Variants in ALPK3 observed in about 807,000 individuals in gnomAD.
ALPK3 encodes the protein alpha-protein kinase 3.
In ALPK3, 102 loss-of-function variants were observed where a neutral mutation model predicts 140.0. The observed-to-expected ratio is 0.73, with a 90% CI of 0.62 to 0.86. The LOEUF is 0.86. ALPK3 is among the 40% of genes least tolerant of loss of function. The pLI is 0.00. For missense variants in ALPK3, 2,254 were observed against 2,208.2 expected (o/e 1.02, Z -0.42); for synonymous variants, 938 against 898.5 (o/e 1.04, Z -0.79).
chr15:84,827,667 CTG>C (rs1963504420), intron 3 of ALPK3, 62 bp downstream of exon 3: 1 of 1,594,524 alleles, frequency 6.3e-7, no homozygotes, highest in South Asian at 1.1e-5. Context: ...TCCAAGGAGG[CTG>C]TGAGGACAGG....
rs540543822 is a variant in ALPK3 at position 84,840,877 on chromosome 15, A to G, written c.1598A>G (p.His533Arg). 5.2e-5 allele frequency: 84 copies of G among 1,613,754 alleles called. No homozygotes were observed. Among genetic ancestry groups the G allele is most frequent in the Non-Finnish European group, 6.4e-5 (75 of 1,179,880 alleles). Residue 533 changes from histidine to arginine, a missense_variant, in exon 5 of 14, where the codon CAT becomes CGT. Transcript: ENST00000258888. ...QVPTPPARRR[H>R]GTRDSTLQGQ... ...CCGACGCCCCCTGCCCGGCGGAGAC[A>G]TGGCACCCGGGACAGCACGTTGCAG...
intron 9 of ALPK3, among the ~76,000 whole-genome samples, chr15:84,862,381 T>G (rs558339435): frequency 6.6e-6 from 1 of 152,046 alleles, no homozygotes; most frequent in South Asian, 2.1e-4. Context: ...GACGCATTTG[T>G]GGAAGGCAGG....
At chr15:84,862,101 T>G (rs1344823880) in intron 9 of ALPK3, among the ~76,000 whole-genome samples, 1 of 152,156 alleles carries the variant, frequency 6.6e-6, no homozygotes. Context: ...ATCAACCATT[T>G]CTTTAGAAAG....
In ALPK3 at chr15:84,858,346, G is replaced by C; in HGVS notation, c.3608G>C (p.Gly1203Ala). The C allele has an allele frequency of 6.4e-7, 1 of 1,556,666 alleles. No homozygotes were observed. The highest frequency in any genetic ancestry group is 8.7e-7 in the Non-Finnish European group (1 of 1,150,822). The part of the protein sequence containing the change: ...PRGPRKSLVP[G>A]SPGTPGRERR... ...GGGCCCAGGAAAAGCCTGGTGCCTGGGTCCCCAGGGACTCCAGGGCGGGAG... is the reference window on the plus strand; with the variant it reads ...GGGCCCAGGAAAAGCCTGGTGCCTGCGTCCCCAGGGACTCCAGGGCGGGAG... The change falls in exon 6 of 14, where the codon GGG becomes GCG. Residue 1203 changes from glycine (G) to alanine (A), a missense_variant. Around this residue, in one of 3 missense-constraint regions of ALPK3, gnomAD observed 2,088 missense variants for 2,022.9 expected, o/e 1.03. Transcript: ENST00000258888.
At position 84,856,500 on chromosome 15, in the gene ALPK3, A is replaced by G; in HGVS notation, c.1762A>G (p.Met588Val). The change falls in exon 6 of 14, where the codon ATG becomes GTG. Residue 588 changes from methionine (M) to valine (V), a missense_variant. Met to Val is a conservative substitution (Grantham distance 21). Around this residue, in one of 3 missense-constraint regions of ALPK3, gnomAD observed 2,088 missense variants for 2,022.9 expected, o/e 1.03. Transcript: ENST00000258888. ...CGGAAGTCAAGGTATCATTGAACCC[A>G]TGGATATGGAAACCCAGGAGGATGG... The part of the protein sequence containing the change: ...TSGSQGIIEP[M>V]DMETQEDGRT... 1.2e-6 allele frequency: 2 copies of G among 1,614,158 alleles called. No homozygotes were observed. The highest frequency in any genetic ancestry group is 1.1e-5 in the South Asian group (1 of 91,082).
rs759973437 is a variant in ALPK3 at position 84,857,398 on chromosome 15, C to T, written c.2660C>T (p.Pro887Leu). The T allele has an allele frequency of 2.4e-5, 39 of 1,613,978 alleles. No individual in the cohort carries two copies. Among genetic ancestry groups the T allele is most frequent in the African/African-American group, 9.3e-5 (7 of 74,922 alleles). Residue 887 changes from proline to leucine, a missense_variant, in exon 6 of 14, where the codon CCG becomes CTG. Physicochemically the swap from Pro to Leu is moderately conservative, Grantham distance 98. This residue lies in a region of ALPK3 where 2,088 missense variants were observed against 2,022.9 expected (regional missense o/e 1.03). Coordinates refer to ENST00000258888, the MANE Select transcript of ALPK3 (RefSeq NM_020778.5). ...ASPKAGPCST[P>L]TSQHGSTATF... ...CCAAAGGCGGGGCCGTGTAGCACCC[C>T]GACTTCTCAGCACGGGAGCACAGCC...
At position 84,868,373 on chromosome 15, in the gene ALPK3, C is replaced by T. The variant is rs1191974296; in HGVS notation, c.5035C>T (p.Gln1679Ter). ...TGCTCCAAGTTCCAAGGCCACCCCT[C>T]AGGCCTCAGAGCCAGTCACCACTCA... Reference protein sequence around the residue: ...KSAPSSKATPQASEPVTTQLL... With the variant: ...KSAPSSKATP The change falls in exon 14 of 14, where the codon CAG (glutamine) becomes TAG (stop). Residue 1679 changes from glutamine to a stop codon, truncating the protein, a stop_gained. Transcript: ENST00000258888. LOFTEE classifies it high-confidence loss of function. 11 of 1,613,988 alleles carry T rather than the reference C, an allele frequency of 6.8e-6. No homozygotes were observed. Among genetic ancestry groups the T allele is most frequent in the South Asian group, 1.1e-5 (1 of 91,080 alleles).
rs760195718 is a variant in ALPK3 at position 84,859,293 on chromosome 15, G to A, written c.3868G>A (p.Gly1290Ser). ...GGTGGAGCAGTTTCCTGATGCCTCCGGTAGCCTGAAGCTGTGGTGCCAGTT... is the reference window on the plus strand; with the variant it reads ...GGTGGAGCAGTTTCCTGATGCCTCCAGTAGCCTGAAGCTGTGGTGCCAGTT... ...IRVEQFPDAS[G>S]SLKLWCQFFN... The change falls in exon 7 of 14, where the codon GGT (glycine) becomes AGT (serine). Residue 1290 changes from glycine (G) to serine (S), a missense_variant. Coordinates refer to ENST00000258888, the MANE Select transcript of ALPK3 (RefSeq NM_020778.5). 13 of 1,614,136 alleles carry A rather than the reference G, an allele frequency of 8.1e-6. No homozygotes were observed. The highest frequency in any genetic ancestry group is 3.3e-5 in the Admixed American group (2 of 60,024).
At chr15:84,863,854 G>C (rs1179374861) in intron 11 of ALPK3, among the ~76,000 whole-genome samples, 1 of 152,188 alleles carries the variant, frequency 6.6e-6, no homozygotes, top group Non-Finnish European at 1.5e-5. Flanking sequence ...CTGGACTTGA[G>C]TCCCGCCCAC....
intron 12 of ALPK3, 110 bp downstream of exon 12, chr15:84,864,775 A>G (rs1963985802): frequency 8.4e-7 from 1 of 1,189,404 alleles, no homozygotes; most frequent in Non-Finnish European, 1.2e-6. Flanking sequence ...CTTTGTCTTT[A>G]TTCTTTTTTG....
In ALPK3 at chr15:84,856,746, C is replaced by T. The variant is rs1354846961; in HGVS notation, c.2008C>T (p.Gln670Ter). 6.2e-7 allele frequency: 1 copy of T among 1,614,064 alleles called. No individual in the cohort carries two copies. The highest frequency in any genetic ancestry group is 1.7e-5 in the Admixed American group (1 of 60,004). The change falls in exon 6 of 14, where the codon CAG becomes TAG. Residue 670 changes from glutamine to a stop codon, truncating the protein, a stop_gained. Transcript: ENST00000258888. LOFTEE classifies it high-confidence loss of function. ...GATGACACAGGGAAGGGCAGAGACA[C>T]AGCTAGAAACAACACAGGCAGGTGA... is the stretch of plus-strand genomic sequence containing the variant. Reference protein sequence around the residue: ...GMMTQGRAETQLETTQAGEKI... With the variant: ...GMMTQGRAET
chr15:84,862,116 G>T (rs897521683), intron 9 of ALPK3, among the ~76,000 whole-genome samples: 1 of 152,050 alleles, frequency 6.6e-6, no homozygotes, highest in African/African-American at 2.4e-5. Context: ...AGAAAGCTCT[G>T]GTTTCCCTTT....
chr15:84,834,164 A>G (rs1963575722), intron 3 of ALPK3, among the ~76,000 whole-genome samples: 1 of 152,210 alleles, frequency 6.6e-6, no homozygotes, highest in African/African-American at 2.4e-5. Flanking sequence ...TATTGGTCCC[A>G]GAAACCCCAG....
In ALPK3 at chr15:84,823,350, C is replaced by A. The variant is rs761544930; in HGVS notation, c.164C>A (p.Ser55Tyr). The A allele has an allele frequency of 6.2e-7, 1 of 1,614,172 alleles. No individual in the cohort carries two copies. The highest frequency in any genetic ancestry group is 1.7e-5 in the Admixed American group (1 of 60,024). ...PETSLSSNRL[S>Y]HPSSGRSTFC... Reference sequence around the variant, plus strand: ...CTTAGCTTATCAAGCAACCGGTTGTCTCACCCCAGCTCTGGAAGGTAAATG... The same window carrying A: ...CTTAGCTTATCAAGCAACCGGTTGTATCACCCCAGCTCTGGAAGGTAAATG... The change falls in exon 2 of 14, where the codon TCT becomes TAT. Residue 55 changes from serine to tyrosine, a missense_variant. Around this residue, in one of 3 missense-constraint regions of ALPK3, gnomAD observed 2,088 missense variants for 2,022.9 expected, o/e 1.03. Coordinates refer to ENST00000258888, the MANE Select transcript of ALPK3 (RefSeq NM_020778.5).
At chr15:84,832,043 A>G (rs1204938597) in intron 3 of ALPK3, among the ~76,000 whole-genome samples, 2 of 152,182 alleles carry the variant, frequency 1.3e-5, no homozygotes, top group Non-Finnish European at 2.9e-5. Flanking sequence ...AGATTTTTAC[A>G]TTTCCAAATA....
At chr15:84,868,086 C>T in intron 13 of ALPK3, 25 bp from the exon 14 acceptor site, 1 of 1,593,226 alleles carries the variant, frequency 6.3e-7, no homozygotes, top group Non-Finnish European at 8.6e-7. Context: ...GGGACCCCCA[C>T]TCAGCTCTTC....
rs936274314 is a variant in ALPK3, at chr15:84,859,521, C to T, written c.3965+131C>T. 45 of 1,346,512 alleles carry T rather than the reference C, an allele frequency of 3.3e-5. No homozygotes were observed. The East Asian group carries it at 1.1e-3, about 34-fold the overall frequency. The allele number at this position is 1,346,512 out of a possible 1,614,324, so 83.4% of individuals were successfully genotyped here. Reference sequence around the variant, plus strand: ...TAACCAGGGGAGGTCCTTTTATTCCCATAGTAGAGATGAGAAAATGGAGGC... The same window carrying T: ...TAACCAGGGGAGGTCCTTTTATTCCTATAGTAGAGATGAGAAAATGGAGGC... On this transcript the variant is annotated intron_variant, in intron 7 of 13. Transcript: ENST00000258888.
At chr15:84,842,934 T>C (rs1199114519) in intron 5 of ALPK3, among the ~76,000 whole-genome samples, 2 of 152,156 alleles carry the variant, frequency 1.3e-5, no homozygotes, top group Non-Finnish European at 2.9e-5. Flanking sequence ...AAGAGATGGC[T>C]CTCATAGGCC....
At position 84,831,056 on chromosome 15, in the gene ALPK3, G is replaced by C. The variant is rs541929528; in HGVS notation, c.304+3451G>C. Among the ~76,000 whole-genome samples the C allele has an allele frequency of 2.8e-4, 42 of 152,166 alleles. 1 individual carries two copies. In the South Asian group the frequency reaches 4.8e-3, roughly 17 times the overall value. ...TTACTTTTTCTTGCGAATTTGGCTG[G>C]GTATAGAATTATAAGCTGAAAATAA... On this transcript the variant is annotated intron_variant, in intron 3 of 13. Transcript: ENST00000258888.
Sources: gnomAD v4.1 joint callset for allele counts (sites outside exome capture counted in the v4.1 genomes callset) on GRCh38, gnomAD v4.1.1 for gene constraint, gnomAD v4.1.1 regional missense constraint, MANE v1.5 for transcripts, NCBI Gene and HGNC (gene_info 2026-07-23, HGNC 2026-07-21) for gene names.